Variants in DPP10 observed in about 807,000 individuals in gnomAD.
DPP10 encodes dipeptidyl peptidase like 10.
Under a neutral mutation model 120.9 loss-of-function variants are expected in DPP10, and 33 were observed. That is an observed-to-expected ratio of 0.27 (90% CI 0.21 to 0.37). DPP10 has a LOEUF of 0.37. Among genes scored for constraint, DPP10 ranks in the 10% least tolerant of loss-of-function variants. The pLI is 1.00. For missense variants in DPP10, 816 were observed against 942.8 expected (o/e 0.87, Z 1.76); for synonymous variants, 337 against 326.1 (o/e 1.03, Z -0.36).
In DPP10 at chr2:115,489,250, A is replaced by G. The variant is rs576133163; in HGVS notation, c.272-10260A>G. ...ATGTAGCTGTGTTCTTTACAAAAAC[A>G]GTTCTTAGAAAGCCAGATTAGCCCA... is the stretch of plus-strand genomic sequence containing the variant. On this transcript the variant is annotated intron_variant, in intron 3 of 25. Transcript: ENST00000410059. 1.6e-4 allele frequency among the ~76,000 whole-genome samples: 25 copies of G among 151,978 alleles called. No homozygotes were observed. In the South Asian group the frequency reaches 5.0e-3, roughly 30 times the overall value.
At position 115,836,551 on chromosome 2, in the gene DPP10, G is replaced by A; in HGVS notation, c.2095G>A (p.Glu699Lys). 2 of 1,613,740 alleles carry A rather than the reference G, an allele frequency of 1.2e-6. No individual in the cohort carries two copies. The highest frequency in any genetic ancestry group is 2.2e-5 in the South Asian group (2 of 90,978). Reference sequence around the variant, plus strand: ...ATACCTTGGGATGCCATCTAAGGAAGAAAGCACTTACCAGGTAACTAATTT... The same window carrying A: ...ATACCTTGGGATGCCATCTAAGGAAAAAAGCACTTACCAGGTAACTAATTT... ...ERYLGMPSKEESTYQAASVLH... is the reference protein window; with the variant it reads ...ERYLGMPSKEKSTYQAASVLH... Residue 699 changes from glutamate (E) to lysine (K), a missense_variant, in exon 23 of 26, where the codon GAA becomes AAA. Around this residue, in one of 3 missense-constraint regions of DPP10, gnomAD observed 592 missense variants for 649.0 expected, o/e 0.91. Coordinates refer to ENST00000410059, the MANE Select transcript of DPP10 (RefSeq NM_020868.6).
At chr2:114,530,016 T>C (rs1285667012) in intron 1 of DPP10, among the ~76,000 whole-genome samples, 2 of 152,170 alleles carry the variant, frequency 1.3e-5, no homozygotes, top group African/African-American at 4.8e-5. Context: ...AAGAACATGA[T>C]CTCATTCCTT....
chr2:114,823,427 A>G (rs10184668), intron 1 of DPP10, among the ~76,000 whole-genome samples: 14,943 of 152,134 alleles, frequency 0.098, 2,368 homozygotes, highest in African/African-American at 0.34. Flanking sequence ...ATCTGGGTGG[A>G]GGCACAGCCA....
At chr2:115,457,485 A>G (rs2073660762) in intron 3 of DPP10, among the ~76,000 whole-genome samples, 1 of 152,176 alleles carries the variant, frequency 6.6e-6, no homozygotes, top group Admixed American at 6.6e-5. Context: ...TCTTATATCT[A>G]AAATGTATTT....
intron 1 of DPP10, among the ~76,000 whole-genome samples, chr2:114,780,943 T>G (rs1355219977): frequency 6.6e-6 from 1 of 152,112 alleles, no homozygotes; most frequent in Admixed American, 6.5e-5. Flanking sequence ...AATAGAATGG[T>G]GAATGAGACA....
At chr2:115,369,629 C>T (rs959052817) in intron 3 of DPP10, among the ~76,000 whole-genome samples, 6 of 151,926 alleles carry the variant, frequency 3.9e-5, no homozygotes, top group Admixed American at 6.6e-5. Flanking sequence ...AGTATAACAG[C>T]GGAAAGATGG....
At chr2:115,715,467 C>G (rs1287134260) in intron 7 of DPP10, among the ~76,000 whole-genome samples, 1 of 151,860 alleles carries the variant, frequency 6.6e-6, no homozygotes, top group Non-Finnish European at 1.5e-5. Flanking sequence ...CAACCAGATT[C>G]AGACTGTTTC....
At chr2:114,454,064 A>G (rs1010617562) in intron 1 of DPP10, among the ~76,000 whole-genome samples, 3 of 152,166 alleles carry the variant, frequency 2.0e-5, no homozygotes, top group Admixed American at 6.5e-5. Context: ...ATGGCAAGAA[A>G]AATGTGCTCT....
chr2:114,888,676 T>G (rs1369790942), intron 1 of DPP10, among the ~76,000 whole-genome samples: 1 of 152,214 alleles, frequency 6.6e-6, no homozygotes, highest in African/African-American at 2.4e-5. Context: ...ACTGTTTCCT[T>G]TTTTCATATT....
At chr2:114,465,057 A>G (rs1573406458) in intron 1 of DPP10, among the ~76,000 whole-genome samples, 1 of 152,142 alleles carries the variant, frequency 6.6e-6, no homozygotes, top group African/African-American at 2.4e-5. Flanking sequence ...CTGGAGGGGA[A>G]CTATTGCGTT....
intron 5 of DPP10, among the ~76,000 whole-genome samples, chr2:115,652,633 A>G (rs181047135): frequency 2.0e-5 from 3 of 152,002 alleles, no homozygotes; most frequent in African/African-American, 7.2e-5. Context: ...AGGAAAGACA[A>G]TGATTTAAGT....
In DPP10 at chr2:115,485,253, A is replaced by C. The variant is rs1223775464; in HGVS notation, c.272-14257A>C. ...AACACTGTTCCAAAAAAAAAAAAAA[A>C]AAACAAACAAAAACCTTAAAGCCTA... On this transcript the variant is annotated intron_variant, in intron 3 of 25. Coordinates refer to ENST00000410059, the MANE Select transcript of DPP10 (RefSeq NM_020868.6). Among the ~76,000 whole-genome samples the C allele has an allele frequency of 1.0e-3, 156 of 149,940 alleles. 2 individuals are homozygous for C. In the South Asian group the frequency reaches 0.012, roughly 11 times the overall value.
At chr2:114,986,297 A>G (rs532738446) in intron 1 of DPP10, among the ~76,000 whole-genome samples, 1 of 152,362 alleles carries the variant, frequency 6.6e-6, no homozygotes, top group Admixed American at 6.5e-5. Context: ...TGAAATGGTC[A>G]TTATTTCTAA....
intron 5 of DPP10, among the ~76,000 whole-genome samples, chr2:115,639,960 A>AT (rs35714070): frequency 0.053 from 7,619 of 143,172 alleles, 437 homozygotes; most frequent in African/African-American, 0.15. Flanking sequence ...CATACAGTAG[A>AT]TTTTTTTTTT....
At chr2:114,944,932 A>G (rs1301178903) in intron 1 of DPP10, among the ~76,000 whole-genome samples, 1 of 152,234 alleles carries the variant, frequency 6.6e-6, no homozygotes, top group Admixed American at 6.5e-5. Context: ...ATAGATCCAC[A>G]CAAGTATAAT....
At chr2:114,938,685 T>A (rs62167697) in intron 1 of DPP10, among the ~76,000 whole-genome samples, 27,599 of 151,310 alleles carry the variant, frequency 0.18, 2,894 homozygotes, top group Non-Finnish European at 0.23. Flanking sequence ...CTTAGGCATT[T>A]GTCTAATTCT....
intron 4 of DPP10, among the ~76,000 whole-genome samples, chr2:115,512,507 C>T (rs767446773): frequency 6.6e-6 from 1 of 151,674 alleles, no homozygotes. Context: ...CACTCTATTT[C>T]GTTCCTAATA....
intron 3 of DPP10, among the ~76,000 whole-genome samples, chr2:115,496,339 T>C (rs974712146): frequency 1.3e-5 from 2 of 152,118 alleles, no homozygotes; most frequent in African/African-American, 4.8e-5. Flanking sequence ...ACAGTAAAAT[T>C]TGCAGGAGTG....
chr2:115,436,470 T>G (rs1246939262), intron 3 of DPP10, among the ~76,000 whole-genome samples: 1 of 151,874 alleles, frequency 6.6e-6, no homozygotes, highest in African/African-American at 2.4e-5. Flanking sequence ...AATGACATAA[T>G]TTAAAGATTA....
Sources: gnomAD v4.1 joint callset for allele counts (sites outside exome capture counted in the v4.1 genomes callset) on GRCh38, gnomAD v4.1.1 for gene constraint, gnomAD v4.1.1 regional missense constraint, MANE v1.5 for transcripts, NCBI Gene and HGNC (gene_info 2026-07-23, HGNC 2026-07-21) for gene names.